Variants in KCNIP4 observed in about 807,000 individuals in gnomAD.
KCNIP4 encodes the protein potassium voltage-gated channel interacting protein 4, also known as Kv channel-interacting protein 4.
A neutral mutation model predicts 34.0 loss-of-function variants in KCNIP4; 12 were observed. That is an observed-to-expected ratio of 0.35 (90% CI 0.23 to 0.57). KCNIP4 has a LOEUF of 0.57. Among genes scored for constraint, KCNIP4 ranks in the 20% least tolerant of loss-of-function variants. The pLI, the probability that KCNIP4 is intolerant of heterozygous loss-of-function variation, is 0.83. For synonymous variants in KCNIP4, 124 were observed against 102.2 expected, an observed-to-expected ratio of 1.21 and a Z score of -1.29; for missense variants, 238 against 311.7, an observed-to-expected ratio of 0.76 and a Z score of 1.78.
chr4:21,083,549 C>G (rs1746181786), intron 1 of KCNIP4, among the ~76,000 whole-genome samples: 1 of 151,578 alleles, frequency 6.6e-6, no homozygotes, highest in Non-Finnish European at 1.5e-5. Flanking sequence ...TAGAGGGAGG[C>G]AGATACACAC....
chr4:21,002,394 A>C (rs1203087415), intron 1 of KCNIP4, among the ~76,000 whole-genome samples: 1 of 152,226 alleles, frequency 6.6e-6, no homozygotes, highest in Non-Finnish European at 1.5e-5. Context: ...TGTCTAAGGG[A>C]AAAAGCAGAA....
intron 1 of KCNIP4, among the ~76,000 whole-genome samples, chr4:21,788,453 C>A (rs1041344984): frequency 6.6e-6 from 1 of 152,096 alleles, no homozygotes; most frequent in African/African-American, 2.4e-5. Context: ...ATGAGGAATG[C>A]AAAGAAATCT....
intron 1 of KCNIP4, among the ~76,000 whole-genome samples, chr4:21,856,672 GCTGTAAAT>G (rs1469342773): frequency 2.0e-5 from 3 of 152,068 alleles, no homozygotes; most frequent in Admixed American, 1.3e-4. Context: ...CCAATCTGTG[GCTGTAAAT>G]CTGAGCATCT....
intron 1 of KCNIP4, among the ~76,000 whole-genome samples, chr4:21,787,633 A>T (rs1490455901): frequency 6.6e-6 from 1 of 152,206 alleles, no homozygotes; most frequent in Non-Finnish European, 1.5e-5. Flanking sequence ...ATTTGTTCCT[A>T]GGGCTATTTG....
intron 1 of KCNIP4, among the ~76,000 whole-genome samples, chr4:20,972,559 T>G (rs1472926793): frequency 1.3e-5 from 2 of 152,180 alleles, no homozygotes; most frequent in African/African-American, 4.8e-5. Context: ...GGTTTAAAAC[T>G]TTCAGCAAAC....
At chr4:21,666,264 T>TA in intron 1 of KCNIP4, among the ~76,000 whole-genome samples, 1 of 152,356 alleles carries the variant, frequency 6.6e-6, no homozygotes, top group Non-Finnish European at 1.5e-5. Flanking sequence ...TGAGAAGATA[T>TA]ATGATACTTT....
intron 1 of KCNIP4, among the ~76,000 whole-genome samples, chr4:21,204,729 G>C (rs1756727839): frequency 6.6e-6 from 1 of 152,184 alleles, no homozygotes; most frequent in Non-Finnish European, 1.5e-5. Context: ...GGAAATAGAT[G>C]TTTCACTTGA....
intron 1 of KCNIP4, among the ~76,000 whole-genome samples, chr4:21,026,697 G>A (rs1348987388): frequency 6.6e-6 from 1 of 152,030 alleles, no homozygotes; most frequent in African/African-American, 2.4e-5. Context: ...AAGGATCCAT[G>A]GTAACATCTT....
chr4:21,651,569 C>T (rs973901623), intron 1 of KCNIP4, among the ~76,000 whole-genome samples: 2 of 152,184 alleles, frequency 1.3e-5, no homozygotes, highest in Middle Eastern at 3.2e-3. Context: ...CTGATGTCTA[C>T]CAACCCTGGG....
intron 3 of KCNIP4, among the ~76,000 whole-genome samples, chr4:20,783,930 AT>A (rs965217537): frequency 6.6e-6 from 1 of 152,138 alleles, no homozygotes; most frequent in African/African-American, 2.4e-5. Flanking sequence ...GCCCTTACAT[AT>A]ATCTGGCACT....
At chr4:20,895,721 T>C (rs1388658393) in intron 1 of KCNIP4, among the ~76,000 whole-genome samples, 1 of 152,208 alleles carries the variant, frequency 6.6e-6, no homozygotes, top group African/African-American at 2.4e-5. Flanking sequence ...AATAGAATAG[T>C]CAATGAAGCA....
At chr4:21,006,877 A>G (rs951341119) in intron 1 of KCNIP4, among the ~76,000 whole-genome samples, 11 of 152,160 alleles carry the variant, frequency 7.2e-5, no homozygotes, top group African/African-American at 2.7e-4. Context: ...GGATGTTCTG[A>G]ACAAGATGTA....
intron 1 of KCNIP4, among the ~76,000 whole-genome samples, chr4:21,861,461 G>C (rs1206245186): frequency 2.0e-5 from 3 of 151,996 alleles, no homozygotes; most frequent in Non-Finnish European, 4.4e-5. Flanking sequence ...AAACCTGCCT[G>C]GCCAACATGG....
At chr4:21,643,457 A>G (rs536830419) in intron 1 of KCNIP4, among the ~76,000 whole-genome samples, 1 of 152,298 alleles carries the variant, frequency 6.6e-6, no homozygotes, top group East Asian at 1.9e-4. Flanking sequence ...TTTAAGATGT[A>G]TATGAGTGCC....
intron 1 of KCNIP4, among the ~76,000 whole-genome samples, chr4:21,833,543 C>G (rs1320189133): frequency 1.3e-5 from 2 of 152,016 alleles, no homozygotes; most frequent in African/African-American, 4.8e-5. Flanking sequence ...TTGTAGGTTG[C>G]CTGTTCACTC....
intron 1 of KCNIP4, among the ~76,000 whole-genome samples, chr4:21,650,481 C>T (rs760699928): frequency 2.7e-4 from 41 of 152,114 alleles, no homozygotes; most frequent in Non-Finnish European, 5.6e-4. Flanking sequence ...GAGGTTTATG[C>T]CTCTAGCATA....
At chr4:21,926,074 C>A (rs1038218279) in intron 1 of KCNIP4, among the ~76,000 whole-genome samples, 19 of 152,158 alleles carry the variant, frequency 1.2e-4, no homozygotes, top group African/African-American at 9.7e-5. Context: ...AAGATTTATA[C>A]AATTTAGCTG....
At chr4:21,460,601 C>T (rs1053688038) in intron 1 of KCNIP4, among the ~76,000 whole-genome samples, 11 of 152,086 alleles carry the variant, frequency 7.2e-5, no homozygotes, top group Non-Finnish European at 1.5e-4. Context: ...AGAGAGAATG[C>T]TCTGGCCTCT....
At chr4:21,574,585 G>T (rs1271307318) in intron 1 of KCNIP4, among the ~76,000 whole-genome samples, 2 of 152,076 alleles carry the variant, frequency 1.3e-5, no homozygotes, top group Non-Finnish European at 2.9e-5. Flanking sequence ...AATCATTGCA[G>T]AAGGTGAAAA....
Sources: allele counts gnomAD v4.1 joint callset (sites outside exome capture counted in the v4.1 genomes callset), GRCh38; gene constraint gnomAD v4.1.1; transcripts MANE v1.5; gene names NCBI Gene and HGNC (gene_info 2026-07-23, HGNC 2026-07-21).